The following GSAP variants were observed in gnomAD, a reference collection of about 807,000 sequenced individuals.
The protein encoded by GSAP is gamma-secretase activating protein.
Under a neutral mutation model 131.7 loss-of-function variants are expected in GSAP, and 118 were observed. The observed-to-expected ratio is 0.90, with a 90% CI of 0.77 to 1.04. The LOEUF (loss-of-function observed/expected upper bound fraction) is 1.04. Ranked by LOEUF, GSAP falls within the 50% of genes least tolerant of loss-of-function variation. The pLI, the probability that GSAP is intolerant of heterozygous loss-of-function variation, is 0.00. For missense variants in GSAP, 1,019 were observed against 1,013.2 expected (o/e 1.01, Z -0.08); for synonymous variants, 381 against 363.4 (o/e 1.05, Z -0.55).
chr7:77,348,724 A>G lies in GSAP; in HGVS notation c.1545+627T>C, dbSNP rs73141931. Among the ~76,000 whole-genome samples, 212 of 152,190 alleles carry G rather than the reference A, an allele frequency of 1.4e-3. 1 individual carries two copies. The highest frequency in any genetic ancestry group is 1.8e-3 in the Non-Finnish European group (124 of 68,002). On this transcript the variant is annotated intron_variant, in intron 19 of 30. Transcript: ENST00000257626. ...ATACATATCCTTTTCTACTCACTCC[A>G]CCCCATTCTCCTATGGTACTCCAAA... is the stretch of plus-strand genomic sequence containing the variant.
intron 24 of GSAP, among the ~76,000 whole-genome samples, chr7:77,322,569 CTG>C (rs1364051480): frequency 1.4e-5 from 2 of 146,884 alleles, no homozygotes; most frequent in Non-Finnish European, 3.0e-5. Context: ...TGTTAAATCA[CTG>C]TGTGTTGTGA....
chr7:77,375,106 C>A lies in GSAP; in HGVS notation c.742-5G>T. ...TATGTCCAAGGGTACTTCAAACTGT[C>A]AAAAAAATCAAAGAAAATGAACCCA... is the stretch of plus-strand genomic sequence containing the variant. On this transcript the variant is annotated splice_polypyrimidine_tract_variant and splice_region_variant and intron_variant, in intron 10 of 30. Transcript: ENST00000257626. 1 of 1,543,424 alleles carries A rather than the reference C, an allele frequency of 6.5e-7. No homozygotes were observed. Among genetic ancestry groups the A allele is most frequent in the Non-Finnish European group, 8.9e-7 (1 of 1,125,182 alleles).
chr7:77,384,460 A>AT (rs751716521), intron 6 of GSAP, among the ~76,000 whole-genome samples: 20 of 152,118 alleles, frequency 1.3e-4, no homozygotes, highest in East Asian at 5.8e-4. Context: ...ACTCAAGGTT[A>AT]TTTTTTTTGT....
At position 77,311,165 on chromosome 7, in the gene GSAP, C is replaced by G. The variant is rs572003017; in HGVS notation, c.*193G>C. The G allele has an allele frequency of 1.1e-5, 6 of 542,002 alleles. No homozygotes were observed. The African/African-American group carries it at 1.1e-4, about 10-fold the overall frequency. The allele number at this position is 542,002 out of a possible 1,614,324, so 33.6% of individuals were successfully genotyped here. On this transcript the variant is annotated 3_prime_UTR_variant, in exon 31 of 31. Transcript: ENST00000257626. ...TCATTTCTCTACACTTGATTGCTCA[C>G]TGGCTATTCAAAATTGGAATGTGAT...
At chr7:77,392,217 A>C (rs1434978535) in intron 5 of GSAP, among the ~76,000 whole-genome samples, 2 of 140,502 alleles carry the variant, frequency 1.4e-5, no homozygotes, top group Admixed American at 1.4e-4. Context: ...GCAAGACTCC[A>C]TCTCAGGAAA....
intron 5 of GSAP, among the ~76,000 whole-genome samples, chr7:77,389,251 T>C (rs1403401143): frequency 6.6e-6 from 1 of 151,638 alleles, no homozygotes; most frequent in Non-Finnish European, 1.5e-5. Flanking sequence ...TGTGTGTGTA[T>C]ATATATATAT....
chr7:77,341,843 A>T (rs1205258317), intron 19 of GSAP, among the ~76,000 whole-genome samples: 1 of 152,216 alleles, frequency 6.6e-6, no homozygotes, highest in African/African-American at 2.4e-5. Flanking sequence ...CATATTTCTG[A>T]GTTGCAATTC....
chr7:77,369,968 C>T (rs976926412), intron 12 of GSAP, among the ~76,000 whole-genome samples: 3 of 151,728 alleles, frequency 2.0e-5, no homozygotes, highest in East Asian at 1.9e-4. Flanking sequence ...CACACACTGC[C>T]GAGAAGGGGA....
intron 14 of GSAP, among the ~76,000 whole-genome samples, chr7:77,358,912 C>A (rs1794136240): frequency 6.6e-6 from 1 of 152,188 alleles, no homozygotes; most frequent in African/African-American, 2.4e-5. Context: ...ATAGGCTAGG[C>A]ACAGTGGCTC....
chr7:77,361,009 A>G, intron 13 of GSAP, 108 bp from the exon 14 acceptor site: 1 of 679,632 alleles, frequency 1.5e-6, no homozygotes, highest in Non-Finnish European at 2.7e-6. Context: ...TGAAACTGGT[A>G]AGCAGGCATC....
At chr7:77,365,810 T>C (rs1259241643) in intron 12 of GSAP, among the ~76,000 whole-genome samples, 1 of 152,078 alleles carries the variant, frequency 6.6e-6, no homozygotes. Flanking sequence ...ATCACCATAC[T>C]GCTTTCCACA....
intron 12 of GSAP, among the ~76,000 whole-genome samples, chr7:77,364,667 TGTA>T (rs1174520699): frequency 3.8e-4 from 58 of 152,148 alleles, no homozygotes; most frequent in Admixed American, 2.4e-3. Context: ...AAACTTAAAG[TGTA>T]ATAATAAAAT....
intron 3 of GSAP, among the ~76,000 whole-genome samples, chr7:77,397,631 T>C (rs1446916076): frequency 6.6e-6 from 1 of 152,208 alleles, no homozygotes. Flanking sequence ...TATTTAGCCA[T>C]GAGACAACCA....
intron 19 of GSAP, among the ~76,000 whole-genome samples, chr7:77,332,625 A>G (rs1383262542): frequency 6.6e-6 from 1 of 152,226 alleles, no homozygotes; most frequent in Non-Finnish European, 1.5e-5. Flanking sequence ...ATGGCCTAAA[A>G]TAGACTAGAG....
At chr7:77,374,204 C>T in intron 11 of GSAP, 49 bp from the exon 12 acceptor site, 1 of 922,748 alleles carries the variant, frequency 1.1e-6, no homozygotes. Flanking sequence ...AAAAATACAT[C>T]CCTTCATAAA....
chr7:77,319,417 G>C (rs1291371605), intron 26 of GSAP, among the ~76,000 whole-genome samples: 1 of 152,192 alleles, frequency 6.6e-6, no homozygotes, highest in Non-Finnish European at 1.5e-5. Context: ...AGAATGTGGA[G>C]AAATTGGAAT....
At chr7:77,323,594 A>T in intron 24 of GSAP, 53 bp downstream of exon 24, 1 of 859,462 alleles carries the variant, frequency 1.2e-6, no homozygotes, top group Non-Finnish European at 1.9e-6. Context: ...TTTCAGAACT[A>T]TATGGGGAGT....
Position 77,314,386 on chromosome 7 carries a change from G to A in GSAP, c.2193C>T (p.Val731=), listed in dbSNP as rs767231776. ...SGVLLLTETA[V]IRLMKDLDNT... ...GCTTCTTACCTTTCATGAGCCTTAT[G>A]ACAGCTGTTTCAGTGAGAAGCAACA... Residue 731 remains valine (V), a synonymous_variant, in exon 27 of 31, where the codon GTC becomes GTT. Coordinates refer to ENST00000257626, the MANE Select transcript of GSAP (RefSeq NM_017439.4). 23 of 1,613,570 alleles carry A rather than the reference G, an allele frequency of 1.4e-5. No individual in the cohort carries two copies. The South Asian group carries it at 2.3e-4, about 16-fold the overall frequency.
At chr7:77,372,334 T>C (rs112530077) in intron 12 of GSAP, among the ~76,000 whole-genome samples, 50 of 152,386 alleles carry the variant, frequency 3.3e-4, no homozygotes, top group African/African-American at 1.2e-3. Context: ...AAATGTAATG[T>C]ATGAATCTTG....
Sources: allele counts gnomAD v4.1 joint callset (sites outside exome capture counted in the v4.1 genomes callset), GRCh38; gene constraint gnomAD v4.1.1; transcripts MANE v1.5; gene names NCBI Gene and HGNC (gene_info 2026-07-23, HGNC 2026-07-21).